Variants in EYS observed in about 807,000 individuals in gnomAD.
The protein encoded by EYS is EGF-like photoreceptor maintenance factor, also known as protein eyes shut homolog.
A neutral mutation model predicts 282.1 loss-of-function variants in EYS; 250 were observed. The observed-to-expected ratio is 0.89, with a 90% CI of 0.80 to 0.98. EYS has a LOEUF of 0.98. EYS is among the 50% of genes least tolerant of loss of function. The pLI is 0.00. For missense variants in EYS, 4,016 were observed against 3,709.0 expected, an observed-to-expected ratio of 1.08 and a Z score of -2.15; for synonymous variants, 1,355 against 1,282.9, an observed-to-expected ratio of 1.06 and a Z score of -1.20.
chr6:64,601,709 C>A (rs1185446752), intron 24 of EYS, among the ~76,000 whole-genome samples: 3 of 152,036 alleles, frequency 2.0e-5, no homozygotes, highest in Non-Finnish European at 4.4e-5. Flanking sequence ...AAGATCACAT[C>A]ATTTCCCTTT....
intron 40 of EYS, among the ~76,000 whole-genome samples, chr6:63,767,689 A>G (rs1769829518): frequency 6.6e-6 from 1 of 152,160 alleles, no homozygotes; most frequent in Non-Finnish European, 1.5e-5. Flanking sequence ...TATTCCTATC[A>G]AACTACCAAC....
chr6:64,618,530 T>C lies in EYS; in HGVS notation c.3569-997A>G, dbSNP rs535323548. 2.5e-4 allele frequency among the ~76,000 whole-genome samples: 38 copies of C among 152,332 alleles called. No homozygotes were observed. In the South Asian group the frequency reaches 7.0e-3, roughly 28 times the overall value. On this transcript the variant is annotated intron_variant, in intron 23 of 42. Transcript: ENST00000503581. The stretch of plus-strand genomic sequence containing the variant: ...ACCCTGGCTGTTGGGAAATGTAAAA[T>C]TTAATTATTGTTTATACTTAGGAAG...
chr6:64,368,015 G>A (rs1416602530), intron 29 of EYS, among the ~76,000 whole-genome samples: 3 of 152,090 alleles, frequency 2.0e-5, no homozygotes, highest in African/African-American at 7.2e-5. Context: ...TGTGGTGGGG[G>A]TTTGGTGTAC....
intron 26 of EYS, among the ~76,000 whole-genome samples, chr6:64,489,611 A>G (rs543798375): frequency 1.3e-5 from 2 of 149,188 alleles, no homozygotes; most frequent in East Asian, 3.9e-4. Context: ...TAAAATATTC[A>G]GTTTTAATAT....
intron 35 of EYS, among the ~76,000 whole-genome samples, chr6:63,930,682 G>A (rs887867292): frequency 6.6e-6 from 1 of 152,052 alleles, no homozygotes; most frequent in Non-Finnish European, 1.5e-5. Context: ...ACTTCATCAT[G>A]GGTTATTTCC....
intron 12 of EYS, among the ~76,000 whole-genome samples, chr6:65,287,052 A>G (rs141817288): frequency 1.3e-5 from 2 of 151,644 alleles, no homozygotes; most frequent in Non-Finnish European, 3.0e-5. Flanking sequence ...GAAGCTCAAG[A>G]TCCTTTCAGT....
chr6:65,409,956 T>C (rs1000173400), intron 5 of EYS, among the ~76,000 whole-genome samples: 1 of 152,076 alleles, frequency 6.6e-6, no homozygotes, highest in Non-Finnish European at 1.5e-5. Context: ...TTTGTGGATA[T>C]TTATTAATAT....
chr6:64,486,029 G>A (rs764281949), intron 26 of EYS, among the ~76,000 whole-genome samples: 1 of 151,406 alleles, frequency 6.6e-6, no homozygotes, highest in Non-Finnish European at 1.5e-5. Flanking sequence ...TATTTAAAAA[G>A]TATTGTTTTT....
intron 31 of EYS, among the ~76,000 whole-genome samples, chr6:64,173,108 C>A (rs977323809): frequency 2.0e-5 from 3 of 152,100 alleles, no homozygotes; most frequent in Admixed American, 6.6e-5. Flanking sequence ...CCTACCATGA[C>A]AGAAACTCAT....
At chr6:63,955,301 C>T (rs539735742) in intron 35 of EYS, among the ~76,000 whole-genome samples, 7 of 152,234 alleles carry the variant, frequency 4.6e-5, no homozygotes, top group Middle Eastern at 3.4e-3. Context: ...TTTACACTGC[C>T]GGTTTACACT....
intron 12 of EYS, among the ~76,000 whole-genome samples, chr6:65,219,778 T>C (rs1224114991): frequency 1.3e-5 from 2 of 152,104 alleles, no homozygotes; most frequent in Non-Finnish European, 2.9e-5. Context: ...CTCACAATCA[T>C]GGTGGGAGGC....
chr6:65,624,624 C>G (rs185111254), intron 2 of EYS, among the ~76,000 whole-genome samples: 1 of 152,088 alleles, frequency 6.6e-6, no homozygotes, highest in African/African-American at 2.4e-5. Flanking sequence ...GGGTGGGCAT[C>G]ATCTATCAGC....
chr6:65,009,313 T>G (rs1771789587), intron 13 of EYS, among the ~76,000 whole-genome samples: 1 of 152,070 alleles, frequency 6.6e-6, no homozygotes, highest in African/African-American at 2.4e-5. Flanking sequence ...CCTGCAGTAT[T>G]CCAATTTTAG....
At chr6:65,176,579 G>T (rs912152386) in intron 12 of EYS, among the ~76,000 whole-genome samples, 3 of 151,402 alleles carry the variant, frequency 2.0e-5, no homozygotes, top group African/African-American at 7.3e-5. Context: ...GGCCTTACTT[G>T]TCTATATCAA....
At position 65,495,202 on chromosome 6, in the gene EYS, C is replaced by T; in HGVS notation, c.209G>A (p.Gly70Asp). Residue 70 changes from glycine to aspartate, a missense_variant, in exon 4 of 43, where the codon GGC (glycine) becomes GAC (aspartate). Gly to Asp is a moderately conservative substitution (Grantham distance 94). Transcript: ENST00000503581. ...GCAAATCTGGGGAACAGCTTGATTGCCTGAAGTATCTATTTTAGTGTTTAC... is the reference window on the plus strand; with the variant it reads ...GCAAATCTGGGGAACAGCTTGATTGTCTGAAGTATCTATTTTAGTGTTTAC... ...LGVNTKIDTS[G>D]NQAVPQICPL... The T allele has an allele frequency of 6.2e-7, 1 of 1,614,100 alleles. No homozygotes were observed. The highest frequency in any genetic ancestry group is 1.3e-5 in the African/African-American group (1 of 75,032).
intron 31 of EYS, among the ~76,000 whole-genome samples, chr6:64,156,283 C>T (rs147049461): frequency 0.019 from 2,904 of 152,138 alleles, 78 homozygotes; most frequent in African/African-American, 0.066. Flanking sequence ...TTGCATCTTC[C>T]TCATTTTATC....
intron 36 of EYS, among the ~76,000 whole-genome samples, chr6:63,841,086 C>T (rs1180705704): frequency 6.6e-6 from 1 of 152,086 alleles, no homozygotes; most frequent in East Asian, 1.9e-4. Context: ...CATATCTGTG[C>T]TAACGGCTCA....
chr6:65,662,543 T>C (rs371072120), intron 1 of EYS, among the ~76,000 whole-genome samples: 1 of 152,210 alleles, frequency 6.6e-6, no homozygotes, highest in African/African-American at 2.4e-5. Context: ...ATTTGCTTTA[T>C]TTTAATCTAC....
intron 2 of EYS, among the ~76,000 whole-genome samples, chr6:65,607,305 T>C (rs2149793087): frequency 6.6e-6 from 1 of 151,914 alleles, no homozygotes; most frequent in East Asian, 1.9e-4. Context: ...TTTTCCTCTG[T>C]ATTCACTTAA....
Sources: gnomAD v4.1 joint callset for allele counts (sites outside exome capture counted in the v4.1 genomes callset) on GRCh38, gnomAD v4.1.1 for gene constraint, MANE v1.5 for transcripts, NCBI Gene and HGNC (gene_info 2026-07-23, HGNC 2026-07-21) for gene names.